SMG6: variants seen among roughly 807,000 people sequenced by gnomAD.
SMG6 encodes SMG6 nonsense mediated mRNA decay factor.
A neutral mutation model predicts 142.2 loss-of-function variants in SMG6; 66 were observed. The ratio of observed to expected loss-of-function variants is 0.46; its 90% confidence interval spans 0.38 to 0.57. The LOEUF (loss-of-function observed/expected upper bound fraction) is 0.57, where lower values mean the gene tolerates loss of function less well. Ranked by LOEUF, SMG6 falls within the 20% of genes least tolerant of loss-of-function variation. SMG6 has a pLI of 0.00. For synonymous variants in SMG6, 779 were observed against 702.4 expected (o/e 1.11, Z -1.72); for missense variants, 1,793 against 1,832.0 (o/e 0.98, Z 0.39).
intron 9 of SMG6, among the ~76,000 whole-genome samples, chr17:2,239,208 G>C (rs56060617): frequency 0.075 from 11,470 of 152,206 alleles, 614 homozygotes; most frequent in Middle Eastern, 0.12. Context: ...TACACGCCCT[G>C]ATGTCTACTA....
intron 8 of SMG6, among the ~76,000 whole-genome samples, chr17:2,249,992 C>A (rs968492793): frequency 6.6e-6 from 1 of 152,198 alleles, no homozygotes; most frequent in African/African-American, 2.4e-5. Context: ...AATGGAATTT[C>A]TACCACTGAC....
At chr17:2,280,980 G>C (rs2074772050) in intron 8 of SMG6, among the ~76,000 whole-genome samples, 1 of 152,200 alleles carries the variant, frequency 6.6e-6, no homozygotes, top group Admixed American at 6.5e-5. Context: ...GCTGAGGCAG[G>C]AAAATCACTG....
intron 10 of SMG6, among the ~76,000 whole-genome samples, chr17:2,198,407 G>A (rs965909615): frequency 2.6e-5 from 4 of 152,136 alleles, no homozygotes; most frequent in Non-Finnish European, 5.9e-5. Flanking sequence ...GGAAAGTTCT[G>A]CATCTTGATT....
chr17:2,161,893 C>A (rs2071190428), intron 13 of SMG6, among the ~76,000 whole-genome samples: 2 of 152,106 alleles, frequency 1.3e-5, no homozygotes, highest in Admixed American at 1.3e-4. Context: ...CTTTGTTTAT[C>A]CTCGGGAACT....
chr17:2,299,379 T>G lies in SMG6; in HGVS notation c.1374A>C (p.Pro458=), dbSNP rs1597238928. 2.5e-6 allele frequency: 4 copies of G among 1,614,038 alleles called. No homozygotes were observed. Among genetic ancestry groups the G allele is most frequent in the Non-Finnish European group, 3.4e-6 (4 of 1,180,030 alleles). Residue 458 remains proline (P), a synonymous_variant, in exon 2 of 19, where the codon CCA becomes CCC. Coordinates refer to ENST00000263073, the MANE Select transcript of SMG6 (RefSeq NM_017575.5). This position sits in a 1 kb window ranked among gnomAD's most constrained non-coding sequence, Gnocchi z 4.3. The part of the protein sequence containing the change: ...RGGTTRRLWD[P]NNPDQKPALK... ...GAGCAGGTTTCTGATCAGGATTGTTTGGGTCCCACAATCGGCGTGTGGTGC... is the reference window on the plus strand; with the variant it reads ...GAGCAGGTTTCTGATCAGGATTGTTGGGGTCCCACAATCGGCGTGTGGTGC...
intron 10 of SMG6, 143 bp downstream of exon 10, chr17:2,236,349 A>C: frequency 1.5e-6 from 1 of 663,246 alleles, no homozygotes; most frequent in Non-Finnish European, 2.4e-6. Context: ...ATCTGAGACA[A>C]TGGTAGGAAG....
chr17:2,243,218 T>C (rs781001449), intron 9 of SMG6, among the ~76,000 whole-genome samples: 3 of 152,234 alleles, frequency 2.0e-5, no homozygotes, highest in Non-Finnish European at 2.9e-5. Context: ...GCAATGACCA[T>C]CACTATCATT....
chr17:2,252,547 T>C (rs892285925), intron 8 of SMG6, among the ~76,000 whole-genome samples: 2 of 152,230 alleles, frequency 1.3e-5, no homozygotes, highest in East Asian at 1.9e-4. Flanking sequence ...GGTTCGAATT[T>C]TGGTCATGCC....
intron 13 of SMG6, among the ~76,000 whole-genome samples, chr17:2,142,986 A>G (rs1232434977): frequency 6.6e-6 from 1 of 152,080 alleles, no homozygotes; most frequent in South Asian, 2.1e-4. Context: ...GTTCAACATC[A>G]TTAGTTATTG....
chr17:2,068,956 G>A lies in SMG6; in HGVS notation c.3682-25C>T. ...CCTATGGGGACAGAGTGGTGAATGA[G>A]CCAGACAGCGAGCAGGCAAGCAGGT... On this transcript the variant is annotated intron_variant, in intron 15 of 18. Transcript: ENST00000263073. The surrounding 1 kb of genome is among the most constrained non-coding windows in gnomAD (Gnocchi z 6.7). The A allele has an allele frequency of 2.5e-6, 4 of 1,610,510 alleles. No homozygotes were observed. The highest frequency in any genetic ancestry group is 1.1e-5 in the South Asian group (1 of 90,846).
intron 10 of SMG6, among the ~76,000 whole-genome samples, chr17:2,189,938 T>C (rs2072108713): frequency 6.6e-6 from 1 of 152,014 alleles, no homozygotes; most frequent in Admixed American, 6.5e-5. Flanking sequence ...CCAGCTCAAC[T>C]GTGGCAGGCA....
chr17:2,247,779 T>C (rs2073956273), intron 8 of SMG6, among the ~76,000 whole-genome samples: 1 of 151,402 alleles, frequency 6.6e-6, no homozygotes, highest in Non-Finnish European at 1.5e-5. Context: ...TGAAACTGTC[T>C]CAGAGAAAAA....
chr17:2,152,123 G>A (rs1336997744), intron 13 of SMG6, among the ~76,000 whole-genome samples: 1 of 152,324 alleles, frequency 6.6e-6, no homozygotes, highest in East Asian at 1.9e-4. Context: ...AATTTGGAGT[G>A]ATGGCAGGAA....
chr17:2,138,179 A>G (rs2070365876), intron 13 of SMG6, among the ~76,000 whole-genome samples: 1 of 152,100 alleles, frequency 6.6e-6, no homozygotes, highest in Admixed American at 6.5e-5. Context: ...GGAATTTCAG[A>G]AAGAAGAAAA....
chr17:2,068,776 A>G lies in SMG6; in HGVS notation c.3835+2T>C. 4 of 1,613,642 alleles carry G rather than the reference A, an allele frequency of 2.5e-6. No homozygotes were observed. Among genetic ancestry groups the G allele is most frequent in the Non-Finnish European group, 3.4e-6 (4 of 1,179,784 alleles). On this transcript the variant is annotated splice_donor_variant, in intron 16 of 18. Coordinates refer to ENST00000263073, the MANE Select transcript of SMG6 (RefSeq NM_017575.5). LOFTEE classifies it high-confidence loss of function. The surrounding 1 kb of genome is among the most constrained non-coding windows in gnomAD (Gnocchi z 6.7). ...CCGCTCTGCCCTTCCCGCCTGACTC[A>G]CCGATGAGGGGCACCACCAGGATGT...
At chr17:2,284,206 G>A (rs1045966657) in intron 6 of SMG6, among the ~76,000 whole-genome samples, 1 of 152,130 alleles carries the variant, frequency 6.6e-6, no homozygotes, top group Non-Finnish European at 1.5e-5. Context: ...ACATTATTAT[G>A]TAATAATCTT....
At position 2,258,660 on chromosome 17, in the gene SMG6, G is replaced by A. The variant is rs973859890; in HGVS notation, c.2662-13941C>T. Among the ~76,000 whole-genome samples the A allele has an allele frequency of 2.6e-4, 39 of 151,784 alleles. 1 individual carries two copies. The highest frequency in any genetic ancestry group is 6.3e-4 in the South Asian group (3 of 4,798). ...TCTACGAAAAAATAATTAGCTGGGC[G>A]TGGTGGTGCAGCCTGTAGTCCCAGC... On this transcript the variant is annotated intron_variant, in intron 8 of 18. Transcript: ENST00000263073.
intron 14 of SMG6, among the ~76,000 whole-genome samples, chr17:2,082,769 C>T (rs1205660121): frequency 6.6e-6 from 1 of 152,170 alleles, no homozygotes; most frequent in African/African-American, 2.4e-5. Context: ...TGCAGCTGCC[C>T]AAGATAGCTT....
intron 8 of SMG6, among the ~76,000 whole-genome samples, chr17:2,268,604 C>T (rs146511209): frequency 2.6e-5 from 4 of 151,202 alleles, no homozygotes; most frequent in African/African-American, 7.3e-5. Context: ...AAAACCCCAT[C>T]GCTACTTAAA....
Sources: allele counts gnomAD v4.1 joint callset (sites outside exome capture counted in the v4.1 genomes callset), GRCh38; gene constraint gnomAD v4.1.1; non-coding constraint Gnocchi (gnomAD v3.1); transcripts MANE v1.5; gene names NCBI Gene and HGNC (gene_info 2026-07-23, HGNC 2026-07-21).